Variants in PTBP2 observed in about 807,000 individuals in gnomAD.
PTBP2 encodes the protein polypyrimidine tract binding protein 2, also known as polypyrimidine tract-binding protein 2.
Under a neutral mutation model 61.4 loss-of-function variants are expected in PTBP2, and 13 were observed. The observed-to-expected ratio is 0.21, with a 90% CI of 0.14 to 0.34. The LOEUF (loss-of-function observed/expected upper bound fraction) is 0.34, where lower values mean the gene tolerates loss of function less well. Among genes scored for constraint, PTBP2 ranks in the 10% least tolerant of loss-of-function variants. PTBP2 has a pLI of 1.00. For missense variants in PTBP2, 405 were observed against 642.6 expected (o/e 0.63, Z 4.00); for synonymous variants, 215 against 218.5 (o/e 0.98, Z 0.14).
chr1:96,764,399 G>T (rs1235541879), intron 3 of PTBP2, among the ~76,000 whole-genome samples: 1 of 152,158 alleles, frequency 6.6e-6, no homozygotes, highest in East Asian at 1.9e-4. Context: ...TGACTATGAG[G>T]CTTGACAATT....
At position 96,806,915 on chromosome 1, in the gene PTBP2, C is replaced by T; in HGVS notation, c.1128C>T (p.Asp376=). 6.2e-7 allele frequency: 1 copy of T among 1,612,274 alleles called. No individual in the cohort carries two copies. The highest frequency in any genetic ancestry group is 2.2e-5 in the East Asian group (1 of 44,718). Residue 376 remains aspartate, a synonymous_variant, in exon 11 of 14, where the codon GAC becomes GAT. Coordinates refer to ENST00000674951, the MANE Select transcript of PTBP2 (RefSeq NM_021190.4). The part of the protein sequence containing the change: ...QRVKILYNKK[D]SALIQMADGN... ...TGAAGATTTTATACAATAAGAAAGA[C>T]AGCGCTCTAATACAGATGGCTGATG... is the stretch of plus-strand genomic sequence containing the variant.
intron 2 of PTBP2, among the ~76,000 whole-genome samples, chr1:96,744,860 C>T (rs1298106178): frequency 6.6e-6 from 1 of 151,856 alleles, no homozygotes; most frequent in East Asian, 1.9e-4. Flanking sequence ...TATAACATGC[C>T]CGGTTTTACT....
intron 3 of PTBP2, among the ~76,000 whole-genome samples, chr1:96,765,700 A>T (rs1296431136): frequency 2.2e-5 from 3 of 134,394 alleles, no homozygotes; most frequent in Non-Finnish European, 4.8e-5. Flanking sequence ...ATACAGCAAG[A>T]CTCTGTCTTA....
intron 3 of PTBP2, among the ~76,000 whole-genome samples, 168 bp downstream of exon 3, chr1:96,751,668 A>AC (rs1159843494): frequency 6.6e-6 from 1 of 151,792 alleles, no homozygotes; most frequent in Non-Finnish European, 1.5e-5. Context: ...GAAAAAAAAA[A>AC]AAAACCTGAA....
At chr1:96,821,820 G>C (rs1210368623) in exon 14 of PTBP2, 1 of 151,888 alleles carries the variant, frequency 6.6e-6, no homozygotes, top group African/African-American at 2.4e-5. Flanking sequence ...GTAGAGACAG[G>C]GTTTTACCAT....
intron 8 of PTBP2, among the ~76,000 whole-genome samples, chr1:96,789,901 T>TA (rs2101094650): frequency 6.6e-6 from 1 of 152,152 alleles, no homozygotes; most frequent in East Asian, 1.9e-4. Flanking sequence ...ATATGATTAT[T>TA]ACACTTACCA....
chr1:96,737,261 C>T (rs1388855715), intron 2 of PTBP2, among the ~76,000 whole-genome samples: 1 of 152,096 alleles, frequency 6.6e-6, no homozygotes, highest in African/African-American at 2.4e-5. Flanking sequence ...CCACTGCGAC[C>T]GGCCCACTTT....
At chr1:96,751,558 A>AT in intron 3 of PTBP2, 58 bp downstream of exon 3, 1 of 1,316,868 alleles carries the variant, frequency 7.6e-7, no homozygotes, top group Middle Eastern at 1.9e-4. Flanking sequence ...AGAATGTTAA[A>AT]ACTCAAATTT....
At chr1:96,724,294 C>T (rs936254790) in intron 2 of PTBP2, among the ~76,000 whole-genome samples, 7 of 151,992 alleles carry the variant, frequency 4.6e-5, no homozygotes, top group African/African-American at 1.7e-4. Flanking sequence ...CTCTGTTGCC[C>T]AGGCTGGATG....
At chr1:96,821,972 TCA>T (rs1295397679) in exon 14 of PTBP2, 1 of 152,174 alleles carries the variant, frequency 6.6e-6, no homozygotes, top group Admixed American at 6.5e-5. Context: ...ATTCTTTTTT[TCA>T]ACAAGTGTTC....
At chr1:96,789,055 C>G (rs1456543275) in intron 8 of PTBP2, among the ~76,000 whole-genome samples, 3 of 151,952 alleles carry the variant, frequency 2.0e-5, no homozygotes, top group Admixed American at 2.0e-4. Context: ...ATCATTTTAT[C>G]ATGTTAAGAG....
At chr1:96,728,781 T>C (rs1650946937) in intron 2 of PTBP2, among the ~76,000 whole-genome samples, 1 of 151,860 alleles carries the variant, frequency 6.6e-6, no homozygotes. Context: ...TGACTACAAT[T>C]GATGTCTCTA....
At chr1:96,762,216 T>G (rs1485347135) in intron 3 of PTBP2, among the ~76,000 whole-genome samples, 13 of 150,802 alleles carry the variant, frequency 8.6e-5, no homozygotes, top group Non-Finnish European at 1.6e-4. Context: ...GCCATTGTCA[T>G]CATGGCCCGT....
chr1:96,793,137 C>A (rs1044571202), intron 8 of PTBP2, among the ~76,000 whole-genome samples: 1 of 152,146 alleles, frequency 6.6e-6, no homozygotes, highest in Non-Finnish European at 1.5e-5. Context: ...ATAACTTCGG[C>A]TTTCTCATTT....
intron 2 of PTBP2, among the ~76,000 whole-genome samples, chr1:96,731,850 G>T (rs929352153): frequency 2.6e-5 from 4 of 152,104 alleles, no homozygotes; most frequent in Middle Eastern, 3.4e-3. Flanking sequence ...TGTCATTTCT[G>T]TACTCTTAAC....
At chr1:96,807,221 TATATC>T (rs1310107832) in intron 11 of PTBP2, among the ~76,000 whole-genome samples, 7 of 152,230 alleles carry the variant, frequency 4.6e-5, no homozygotes, top group Admixed American at 3.3e-4. Context: ...ACATGAGAAT[TATATC>T]ATTTATATTG....
Position 96,791,826 on chromosome 1 carries a change from C to CTTTTTTTTGTTTTTTTTTTT in PTBP2, c.904+6580_904+6581insGTTTTTTTTTTTTTTTTTTT, listed in dbSNP as rs1482989030. The stretch of plus-strand genomic sequence containing the variant: ...TCCACCTCTGTTGCTTGGAGTTGTG[C>CTTTTTTTTGTTTTTTTTTTT]TTTTTTTTTTTTTTTTTTTTTTTGA... On this transcript the variant is annotated intron_variant, in intron 8 of 13. Transcript: ENST00000674951. Among the ~76,000 whole-genome samples, 61 of 66,108 alleles carry CTTTTTTTTGTTTTTTTTTTT rather than the reference C, an allele frequency of 9.2e-4. 3 individuals carry two copies. Among genetic ancestry groups the CTTTTTTTTGTTTTTTTTTTT allele is most frequent in the South Asian group, 1.7e-3 (3 of 1,740 alleles). The allele number at this position is 66,108 out of a possible 152,430, so 43.4% of individuals were successfully genotyped here.
In PTBP2 at chr1:96,769,706, A is replaced by G; in HGVS notation, c.119A>G (p.Asn40Ser). 1 of 1,577,502 alleles carries G rather than the reference A, an allele frequency of 6.3e-7. No homozygotes were observed. The highest frequency in any genetic ancestry group is 8.6e-7 in the Non-Finnish European group (1 of 1,162,508). The change falls in exon 4 of 14, where the codon AAT becomes AGT. Residue 40 changes from asparagine (N) to serine (S), a missense_variant. Physicochemically the swap from Asn to Ser is conservative, Grantham distance 46. Transcript: ENST00000674951. The stretch of plus-strand genomic sequence containing the variant: ...ACTGTTTTTTAATGTCTTTCAGCCA[A>G]TGGTAATGATAGTAAAAAATTTAAA... The part of the protein sequence containing the change: ...SNMSSMVVTA[N>S]GNDSKKFKGE...
chr1:96,767,260 T>A (rs1656837682), intron 3 of PTBP2, among the ~76,000 whole-genome samples: 1 of 152,156 alleles, frequency 6.6e-6, no homozygotes, highest in African/African-American at 2.4e-5. Context: ...TTTAATTTCC[T>A]TAATAATAGG....
Sources: gnomAD v4.1 joint callset for allele counts (sites outside exome capture counted in the v4.1 genomes callset) on GRCh38, gnomAD v4.1.1 for gene constraint, MANE v1.5 for transcripts, NCBI Gene and HGNC (gene_info 2026-07-23, HGNC 2026-07-21) for gene names.